The following PRRX2 variants were observed in gnomAD, a reference collection of about 807,000 sequenced individuals.
The protein encoded by PRRX2 is paired related homeobox 2.
Under a neutral mutation model 18.0 loss-of-function variants are expected in PRRX2, and 11 were observed. The observed-to-expected ratio is 0.61, with a 90% confidence interval of 0.39 to 1.01. The LOEUF (loss-of-function observed/expected upper bound fraction) is 1.01. PRRX2 is among the 50% of genes least tolerant of loss of function. PRRX2 has a pLI of 0.01. For synonymous variants in PRRX2, 177 were observed against 154.8 expected, an observed-to-expected ratio of 1.14 and a Z score of -1.06; for missense variants, 387 against 351.0, an observed-to-expected ratio of 1.10 and a Z score of -0.82.
At chr9:129,708,729 A>G (rs1165117610) in intron 1 of PRRX2, among the ~76,000 whole-genome samples, 1 of 152,220 alleles carries the variant, frequency 6.6e-6, no homozygotes, top group African/African-American at 2.4e-5. Flanking sequence ...TCTAACAGCC[A>G]TCGTCTGGCC....
intron 3 of PRRX2, among the ~76,000 whole-genome samples, chr9:129,721,093 G>A (rs1382926662): frequency 6.6e-6 from 1 of 152,252 alleles, no homozygotes; most frequent in Non-Finnish European, 1.5e-5. Context: ...GGGTGTGAGT[G>A]TGTGCGTGAA....
At chr9:129,674,199 C>A (rs1373767845) in intron 1 of PRRX2, among the ~76,000 whole-genome samples, 1 of 152,148 alleles carries the variant, frequency 6.6e-6, no homozygotes, top group Non-Finnish European at 1.5e-5. Context: ...GCTCTGTGTC[C>A]CTTCCACATC....
chr9:129,682,614 C>T (rs1450118173), intron 1 of PRRX2, among the ~76,000 whole-genome samples: 1 of 152,172 alleles, frequency 6.6e-6, no homozygotes, highest in African/African-American at 2.4e-5. Context: ...GGGAGGAGGG[C>T]AGGGAGTGTC....
chr9:129,685,060 C>G (rs1299855062), intron 1 of PRRX2, among the ~76,000 whole-genome samples: 1 of 152,208 alleles, frequency 6.6e-6, no homozygotes, highest in African/African-American at 2.4e-5. Context: ...GACGCCCCTC[C>G]TGCCCTCTCC....
At chr9:129,706,570 A>G (rs1379647255) in intron 1 of PRRX2, among the ~76,000 whole-genome samples, 1 of 152,044 alleles carries the variant, frequency 6.6e-6, no homozygotes, top group Non-Finnish European at 1.5e-5. Flanking sequence ...CTCAAAAAAA[A>G]AAAAATAATT....
chr9:129,699,814 G>C (rs909260586), intron 1 of PRRX2, among the ~76,000 whole-genome samples: 2 of 152,152 alleles, frequency 1.3e-5, no homozygotes, highest in Non-Finnish European at 1.5e-5. Flanking sequence ...GTGTGTGTCA[G>C]TGCAAGCTTT....
intron 1 of PRRX2, among the ~76,000 whole-genome samples, chr9:129,670,051 A>G (rs1832080538): frequency 7.0e-6 from 1 of 142,706 alleles, no homozygotes; most frequent in Non-Finnish European, 1.5e-5. Context: ...TGTGGATTTG[A>G]CTACCCTAGG....
At chr9:129,721,235 C>A (rs1477660486) in intron 3 of PRRX2, among the ~76,000 whole-genome samples, 1 of 152,172 alleles carries the variant, frequency 6.6e-6, no homozygotes, top group Non-Finnish European at 1.5e-5. Flanking sequence ...GTCCACCCTC[C>A]AGACGAGAAA....
At position 129,690,043 on chromosome 9, in the gene PRRX2, G is replaced by A. The variant is rs550619473; in HGVS notation, c.259+23917G>A. On this transcript the variant is annotated intron_variant, in intron 1 of 3. Transcript: ENST00000372469. ...TGGGATCACAGGCGTGAGCCACCGCGCCTGGCCAATAGCATCTTATTTTTA... is the reference window on the plus strand; with the variant it reads ...TGGGATCACAGGCGTGAGCCACCGCACCTGGCCAATAGCATCTTATTTTTA... 7.2e-5 allele frequency among the ~76,000 whole-genome samples: 11 copies of A among 151,996 alleles called. No individual in the cohort carries two copies. The South Asian group carries it at 8.3e-4, about 11-fold the overall frequency.
Position 129,666,179 on chromosome 9 carries a change from G to GCCGGGA in PRRX2, c.259+58_259+59insACCGGG, listed in dbSNP as rs1332274094. ...TGGCGGGGCCGGGGCCGGGGCCGGG[G>GCCGGGA]CCGGGGCGCGGGGTCCGGGGAGCCG... is the stretch of plus-strand genomic sequence containing the variant. On this transcript the variant is annotated intron_variant, in intron 1 of 3. Transcript: ENST00000372469. 655 of 994,754 alleles carry GCCGGGA rather than the reference G, an allele frequency of 6.6e-4. 5 individuals are homozygous for GCCGGGA. Among genetic ancestry groups the GCCGGGA allele is most frequent in the Non-Finnish European group, 7.4e-4 (617 of 835,162 alleles). 61.6% of individuals were successfully genotyped at this position (994,754 alleles called of 1,614,324 possible).
At chr9:129,712,315 CA>C (rs1360476118) in intron 1 of PRRX2, among the ~76,000 whole-genome samples, 1 of 152,118 alleles carries the variant, frequency 6.6e-6, no homozygotes. Flanking sequence ...CTATTTGAAG[CA>C]AAAACAAATA....
At chr9:129,691,403 C>T (rs971381905) in intron 1 of PRRX2, among the ~76,000 whole-genome samples, 1 of 151,856 alleles carries the variant, frequency 6.6e-6, no homozygotes, top group Non-Finnish European at 1.5e-5. Flanking sequence ...ATACTCAGAT[C>T]TCATCTCTTT....
At chr9:129,679,484 C>A (rs962478891) in intron 1 of PRRX2, among the ~76,000 whole-genome samples, 1 of 152,180 alleles carries the variant, frequency 6.6e-6, no homozygotes, top group African/African-American at 2.4e-5. Context: ...TTCTAGAAGG[C>A]AGGCGGTTTT....
chr9:129,709,792 G>A lies in PRRX2; in HGVS notation c.260-9439G>A, dbSNP rs1416978230. Among the ~76,000 whole-genome samples, 5 of 150,050 alleles carry A rather than the reference G, an allele frequency of 3.3e-5. No homozygotes were observed. The highest frequency in any genetic ancestry group is 9.8e-5 in the African/African-American group (4 of 40,964). ...GCCTCCCCCAGCCTCTTCCTCACTCGGAGGACGTGTCCTCACCAGGCCTCC... is the reference window on the plus strand; with the variant it reads ...GCCTCCCCCAGCCTCTTCCTCACTCAGAGGACGTGTCCTCACCAGGCCTCC... On this transcript the variant is annotated intron_variant, in intron 1 of 3. Coordinates refer to ENST00000372469, the MANE Select transcript of PRRX2 (RefSeq NM_016307.4). The surrounding 1 kb of genome is among the most constrained non-coding windows in gnomAD (Gnocchi z 4.2).
intron 1 of PRRX2, among the ~76,000 whole-genome samples, chr9:129,708,965 C>T (rs978089998): frequency 5.9e-5 from 9 of 152,184 alleles, no homozygotes; most frequent in South Asian, 2.1e-4. Context: ...AACCCAAACA[C>T]GTCATTTCTC....
intron 1 of PRRX2, among the ~76,000 whole-genome samples, chr9:129,686,983 T>A (rs1428164810): frequency 1.3e-5 from 2 of 152,114 alleles, no homozygotes; most frequent in Non-Finnish European, 2.9e-5. Context: ...CAGGCTCTTT[T>A]CCATATTTGA....
intron 2 of PRRX2, 56 bp downstream of exon 2, chr9:129,719,474 A>T: frequency 1.4e-6 from 2 of 1,434,976 alleles, no homozygotes; most frequent in Non-Finnish European, 1.8e-6. Flanking sequence ...GCGCACAGCC[A>T]CTGTTCACCC....
chr9:129,709,058 G>A lies in PRRX2; in HGVS notation c.260-10173G>A, dbSNP rs557287703. Among the ~76,000 whole-genome samples, 7 of 152,302 alleles carry A rather than the reference G, an allele frequency of 4.6e-5. No homozygotes were observed. The highest frequency in any genetic ancestry group is 1.9e-4 in the East Asian group (1 of 5,186). ...GGAGACCTGCGCTTGTATGGGAGCC[G>A]GGAAGGCCTCTCAGGGCTGGGCATG... On this transcript the variant is annotated intron_variant, in intron 1 of 3. Coordinates refer to ENST00000372469, the MANE Select transcript of PRRX2 (RefSeq NM_016307.4). This position sits in a 1 kb window ranked among gnomAD's most constrained non-coding sequence, Gnocchi z 4.2.
At position 129,715,923 on chromosome 9, in the gene PRRX2, AT is replaced by A. The variant is rs1248634152; in HGVS notation, c.260-3307del. Among the ~76,000 whole-genome samples the A allele has an allele frequency of 2.0e-5, 3 of 152,196 alleles. No individual in the cohort carries two copies. The highest frequency in any genetic ancestry group is 7.2e-5 in the African/African-American group (3 of 41,446). Reference sequence around the variant, plus strand: ...AGCAGTACCCATCACTGGGCCTGGCATGTTCTAGAAGCTCAGTAACAGTTCA... The same window carrying A: ...AGCAGTACCCATCACTGGGCCTGGCAGTTCTAGAAGCTCAGTAACAGTTCA... On this transcript the variant is annotated intron_variant, in intron 1 of 3. Coordinates refer to ENST00000372469, the MANE Select transcript of PRRX2 (RefSeq NM_016307.4). The surrounding 1 kb of genome is among the most constrained non-coding windows in gnomAD (Gnocchi z 4.0).
Sources: gnomAD v4.1 joint callset for allele counts (sites outside exome capture counted in the v4.1 genomes callset) on GRCh38, gnomAD v4.1.1 for gene constraint, Gnocchi (gnomAD v3.1) non-coding constraint, MANE v1.5 for transcripts, NCBI Gene and HGNC (gene_info 2026-07-23, HGNC 2026-07-21) for gene names.